Variants in MAP3K20 observed in about 807,000 individuals in gnomAD.
The protein encoded by MAP3K20 is mitogen-activated protein kinase kinase kinase 20.
In MAP3K20, 40 loss-of-function variants were observed where a neutral mutation model predicts 85.7. That is an observed-to-expected ratio of 0.47 (90% CI 0.36 to 0.61). The LOEUF (loss-of-function observed/expected upper bound fraction) is 0.61, where lower values mean the gene tolerates loss of function less well. MAP3K20 is among the 20% of genes least tolerant of loss of function. MAP3K20 has a pLI of 0.00. For missense variants in MAP3K20, 817 were observed against 961.7 expected (o/e 0.85, Z 1.99); for synonymous variants, 325 against 327.7 (o/e 0.99, Z 0.09).
intron 11 of MAP3K20, chr2:173,223,248 C>T: frequency 1.0e-6 from 1 of 984,534 alleles, no homozygotes; most frequent in African/African-American, 1.7e-5. Flanking sequence ...CAGAGTCTGA[C>T]TGTCACTCAG....
chr2:173,225,820 C>A, intron 11 of MAP3K20: 1 of 984,746 alleles, frequency 1.0e-6, no homozygotes, highest in Non-Finnish European at 1.2e-6. Context: ...AAAATGGTTT[C>A]TTTCTCCTTA....
At chr2:173,129,858 T>C (rs1241981538) in intron 2 of MAP3K20, among the ~76,000 whole-genome samples, 3 of 152,096 alleles carry the variant, frequency 2.0e-5, no homozygotes, top group Admixed American at 1.3e-4. Context: ...AAACATACTA[T>C]TACAAAAATA....
intron 10 of MAP3K20, among the ~76,000 whole-genome samples, chr2:173,215,358 T>C (rs895277502): frequency 2.0e-5 from 3 of 152,200 alleles, no homozygotes; most frequent in Non-Finnish European, 4.4e-5. Flanking sequence ...GACAAAAATT[T>C]ACCCTAAGGT....
At chr2:173,180,296 T>C (rs1488244052) in intron 3 of MAP3K20, among the ~76,000 whole-genome samples, 1 of 152,182 alleles carries the variant, frequency 6.6e-6, no homozygotes, top group Non-Finnish European at 1.5e-5. Context: ...ATTAAAATTC[T>C]AGGGAAAAAG....
At chr2:173,157,010 C>T (rs1242106751) in intron 2 of MAP3K20, among the ~76,000 whole-genome samples, 1 of 152,124 alleles carries the variant, frequency 6.6e-6, no homozygotes, top group Non-Finnish European at 1.5e-5. Context: ...TTGAACAATG[C>T]AGGGGTTAGG....
At chr2:173,193,439 T>G (rs939207244) in intron 7 of MAP3K20, among the ~76,000 whole-genome samples, 11 of 152,162 alleles carry the variant, frequency 7.2e-5, no homozygotes, top group Admixed American at 2.6e-4. Flanking sequence ...CATTATTTCA[T>G]ATATGAAAAC....
At chr2:173,238,459 C>CA in intron 15 of MAP3K20, 24 bp downstream of exon 15, 1 of 1,589,720 alleles carries the variant, frequency 6.3e-7, no homozygotes, top group Non-Finnish European at 8.6e-7. Context: ...TTCTTACCGA[C>CA]ACTAATGCTA....
intron 16 of MAP3K20, among the ~76,000 whole-genome samples, chr2:173,245,588 T>A (rs1684894144): frequency 6.6e-6 from 1 of 152,228 alleles, no homozygotes; most frequent in Non-Finnish European, 1.5e-5. Flanking sequence ...GAAACAGGTT[T>A]TACCCCCATT....
At chr2:173,209,498 G>C (rs1683806280) in intron 9 of MAP3K20, 2 of 356,970 alleles carry the variant, frequency 5.6e-6, no homozygotes, top group African/African-American at 2.1e-5. Context: ...CCACACGATA[G>C]AAAACAGCAT....
chr2:173,134,428 A>ATATATATATATATTTT (rs56330241), intron 2 of MAP3K20, among the ~76,000 whole-genome samples: 1 of 3,158 alleles, frequency 3.2e-4, no homozygotes, highest in Admixed American at 5.9e-3. Flanking sequence ...ATATATATAT[A>ATATATATATATATTTT]TTTTTTTTTT....
At chr2:173,227,763 C>T (rs981698010) in intron 11 of MAP3K20, among the ~76,000 whole-genome samples, 2 of 152,192 alleles carry the variant, frequency 1.3e-5, no homozygotes, top group African/African-American at 2.4e-5. Flanking sequence ...AATAACACTA[C>T]ACATCCCCTC....
At chr2:173,098,380 GACAAC>G (rs1191186747) in intron 2 of MAP3K20, among the ~76,000 whole-genome samples, 1 of 152,166 alleles carries the variant, frequency 6.6e-6, no homozygotes, top group Non-Finnish European at 1.5e-5. Context: ...GTGCTGATGT[GACAAC>G]ACAAGTGGAA....
chr2:173,118,783 T>A (rs1688196312), intron 2 of MAP3K20, among the ~76,000 whole-genome samples: 1 of 152,164 alleles, frequency 6.6e-6, no homozygotes, highest in Non-Finnish European at 1.5e-5. Context: ...ATGTTGAACT[T>A]GATTTATAAC....
At chr2:173,096,497 G>A (rs1206854949) in intron 2 of MAP3K20, among the ~76,000 whole-genome samples, 1 of 152,000 alleles carries the variant, frequency 6.6e-6, no homozygotes, top group Non-Finnish European at 1.5e-5. Context: ...GTGCCACCAC[G>A]CCTGGGTAAT....
At chr2:173,103,571 C>T (rs1306629140) in intron 2 of MAP3K20, among the ~76,000 whole-genome samples, 1 of 152,202 alleles carries the variant, frequency 6.6e-6, no homozygotes, top group Non-Finnish European at 1.5e-5. Flanking sequence ...TCTGAAATCT[C>T]TCTCACCTAA....
chr2:173,261,184 A>C (rs764632928), intron 18 of MAP3K20, 47 bp downstream of exon 18: 11 of 1,574,618 alleles, frequency 7.0e-6, no homozygotes, highest in Non-Finnish European at 9.6e-6. Flanking sequence ...TCAGTTAATG[A>C]ATATAAATTT....
intron 2 of MAP3K20, among the ~76,000 whole-genome samples, chr2:173,142,485 A>AC (rs1434085869): frequency 7.9e-5 from 12 of 151,794 alleles, no homozygotes; most frequent in East Asian, 5.9e-4. Flanking sequence ...AAAAAAAAAA[A>AC]AGTAGTATAT....
chr2:173,191,465 A>AT (rs766279783), intron 7 of MAP3K20, among the ~76,000 whole-genome samples: 12 of 152,122 alleles, frequency 7.9e-5, no homozygotes, highest in East Asian at 1.9e-4. Context: ...TGTGAGAATG[A>AT]TTTTTTGCAG....
chr2:173,224,101 T>C lies in MAP3K20; in HGVS notation c.988-5588T>C, dbSNP rs574479195. 192 of 859,110 alleles carry C rather than the reference T, an allele frequency of 2.2e-4. 2 individuals carry two copies. The South Asian group carries it at 9.6e-3, about 43-fold the overall frequency. 53.2% of individuals were successfully genotyped at this position (859,110 alleles called of 1,614,324 possible). A position where few individuals can be genotyped will look rare whatever the true frequency, so the allele number is the denominator to read the frequency against. On this transcript the variant is annotated intron_variant, in intron 11 of 19. Coordinates refer to ENST00000375213, the MANE Select transcript of MAP3K20 (RefSeq NM_016653.3). ...GAAGATCGATGATAAATAAAGCAAA[T>C]GCATCATATGTTCACATTTGATAAG...
Sources: gnomAD v4.1 joint callset for allele counts (sites outside exome capture counted in the v4.1 genomes callset) on GRCh38, gnomAD v4.1.1 for gene constraint, MANE v1.5 for transcripts, NCBI Gene and HGNC (gene_info 2026-07-23, HGNC 2026-07-21) for gene names.